Variants in DNAH1 observed in about 807,000 individuals in gnomAD.
DNAH1 encodes axonemal beta dynein heavy chain 1.
In DNAH1, 327 loss-of-function variants were observed where a neutral mutation model predicts 484.3. The observed-to-expected ratio is 0.68, with a 90% confidence interval of 0.62 to 0.74. DNAH1 has a LOEUF of 0.74. Among genes scored for constraint, DNAH1 ranks in the 30% least tolerant of loss-of-function variants. DNAH1 has a pLI of 0.00. For synonymous variants in DNAH1, 2,192 were observed against 2,191.9 expected, an observed-to-expected ratio of 1.00 and a Z score of 0.00; for missense variants, 5,052 against 5,546.8, an observed-to-expected ratio of 0.91 and a Z score of 2.83.
At chr3:52,399,262 GCT>G (rs1487094336) in intron 76 of DNAH1, 61 bp downstream of exon 76, 14 of 1,495,274 alleles carry the variant, frequency 9.4e-6, no homozygotes, top group South Asian at 2.6e-5. Context: ...GGGAGGAGAG[GCT>G]CTGAGGCCAC....
intron 8 of DNAH1, among the ~76,000 whole-genome samples, chr3:52,337,733 C>T (rs1360276150): frequency 6.6e-6 from 1 of 152,218 alleles, no homozygotes; most frequent in African/African-American, 2.4e-5. Flanking sequence ...TTTATAGTCT[C>T]CATTATCCCC....
Position 52,368,819 on chromosome 3 carries a change from T to C in DNAH1, c.5844T>C (p.Asp1948=), listed in dbSNP as rs780686231. The C allele has an allele frequency of 1.2e-6, 2 of 1,614,002 alleles. No homozygotes were observed. The highest frequency in any genetic ancestry group is 1.7e-5 in the Admixed American group (1 of 60,030). Residue 1948 remains aspartate (D), a synonymous_variant, in exon 37 of 78, where the codon GAT becomes GAC. Coordinates refer to ENST00000420323, the MANE Select transcript of DNAH1 (RefSeq NM_015512.5). The surrounding 1 kb of genome is among the most constrained non-coding windows in gnomAD (Gnocchi z 4.4). Reference sequence around the variant, plus strand: ...CCAACAAGAAGTGGTACATGTTCGATGGGCCGGTGGATGCCATCTGGATTG... The same window carrying C: ...CCAACAAGAAGTGGTACATGTTCGACGGGCCGGTGGATGCCATCTGGATTG... ...SDTNKKWYMF[D]GPVDAIWIEN...
In DNAH1 at chr3:52,358,214, C is replaced by T. The variant is rs1438925451; in HGVS notation, c.4086+211C>T. Among the ~76,000 whole-genome samples the T allele has an allele frequency of 6.6e-6, 1 of 152,266 alleles. No homozygotes were observed. The highest frequency in any genetic ancestry group is 1.5e-5 in the Non-Finnish European group (1 of 68,048). On this transcript the variant is annotated intron_variant, in intron 24 of 77. Transcript: ENST00000420323. The surrounding 1 kb of genome is among the most constrained non-coding windows in gnomAD (Gnocchi z 4.2). The stretch of plus-strand genomic sequence containing the variant: ...CCCTGGATTTCCAACTCACCAGGCG[C>T]TCCCTGTGCCCCCAGCACACTGCAA...
At chr3:52,315,455 T>TG (rs1431554126), upstream of DNAH1, among the ~76,000 whole-genome samples, 1 of 152,216 alleles carries the variant, frequency 6.6e-6, no homozygotes, top group African/African-American at 2.4e-5. Context: ...TGTGCAGACT[T>TG]GCCATGACCT....
rs1247764841 is a variant in DNAH1 at position 52,369,872 on chromosome 3, A to G, written c.5991A>G (p.Pro1997=). The G allele has an allele frequency of 6.2e-7, 1 of 1,613,274 alleles. No homozygotes were observed. Among genetic ancestry groups the G allele is most frequent in the South Asian group, 1.1e-5 (1 of 91,064 alleles). ...FEVQDLAVAS[P]ATVSRCGMVY... ...TGCAAGACCTGGCGGTGGCTTCACCAGCTACAGTCTCCCGCTGTGGCATGG... is the reference window on the plus strand; with the variant it reads ...TGCAAGACCTGGCGGTGGCTTCACCGGCTACAGTCTCCCGCTGTGGCATGG... The change falls in exon 38 of 78, where the codon CCA becomes CCG. Residue 1997 remains proline, a synonymous_variant. Transcript: ENST00000420323.
chr3:52,342,928 C>T (rs553530149), intron 8 of DNAH1, among the ~76,000 whole-genome samples: 1 of 152,114 alleles, frequency 6.6e-6, no homozygotes, highest in South Asian at 2.1e-4. Context: ...GTTCAGAGTC[C>T]GAGGCTGGAG....
At chr3:52,350,252 G>A in intron 15 of DNAH1, 144 bp downstream of exon 15, 1 of 1,268,558 alleles carries the variant, frequency 7.9e-7, no homozygotes. Flanking sequence ...GGGGTTTAGG[G>A]GGTTGTGAGC....
At chr3:52,367,496 T>C (rs1469610189) in intron 36 of DNAH1, among the ~76,000 whole-genome samples, 2 of 151,794 alleles carry the variant, frequency 1.3e-5, no homozygotes, top group Admixed American at 1.3e-4. Flanking sequence ...TCCACTCCAG[T>C]CTCTTATGTA....
In DNAH1 at chr3:52,392,630, G is replaced by A; in HGVS notation, c.10219G>A (p.Asp3407Asn). The change falls in exon 64 of 78, where the codon GAT becomes AAT. Residue 3407 changes from aspartate to asparagine, a missense_variant. Around this residue, in one of 4 missense-constraint regions of DNAH1, gnomAD observed 2,929 missense variants for 3,409.4 expected, o/e 0.86. Coordinates refer to ENST00000420323, the MANE Select transcript of DNAH1 (RefSeq NM_015512.5). ...RLSSSEGNPVDDMELIKVLEA... is the reference protein window; with the variant it reads ...RLSSSEGNPVNDMELIKVLEA... ...CAGCTCCTCCGAGGGCAACCCTGTA[G>A]ATGACATGGAACTCATCAAGGTGCT... 1 of 1,612,914 alleles carries A rather than the reference G, an allele frequency of 6.2e-7. No individual in the cohort carries two copies. Among genetic ancestry groups the A allele is most frequent in the Non-Finnish European group, 8.5e-7 (1 of 1,179,452 alleles).
intron 22 of DNAH1, 145 bp from the exon 23 acceptor site, chr3:52,357,469 C>T (rs1212001374): frequency 9.6e-7 from 1 of 1,037,956 alleles, no homozygotes; most frequent in Non-Finnish European, 1.4e-6. Context: ...TGGTTGCAGC[C>T]ACTGGCTCAG....
chr3:52,337,136 A>G (rs553366614), intron 8 of DNAH1, among the ~76,000 whole-genome samples: 1 of 152,158 alleles, frequency 6.6e-6, no homozygotes, highest in Non-Finnish European at 1.5e-5. Flanking sequence ...TCTAGAGATC[A>G]TTTACCTCCT....
In DNAH1 at chr3:52,348,915, G is replaced by A. The variant is rs777353076; in HGVS notation, c.2134G>A (p.Gly712Ser). 27 of 1,613,092 alleles carry A rather than the reference G, an allele frequency of 1.7e-5. No individual in the cohort carries two copies. Among genetic ancestry groups the A allele is most frequent in the South Asian group, 6.6e-5 (6 of 91,082 alleles). The change falls in exon 13 of 78, where the codon GGT (glycine) becomes AGT (serine). Residue 712 changes from glycine to serine, a missense_variant. Transcript: ENST00000420323. ...KLVMEDIFIS[G>S]DPLLESVGLH... ...GGTGATGGAGGACATCTTCATCAGC[G>A]GTGACCCCCTGCTGGAGTCCGTGGG...
intron 61 of DNAH1, 21 bp downstream of exon 61, chr3:52,391,075 C>G (rs762205863): frequency 1.3e-6 from 2 of 1,580,124 alleles, no homozygotes; most frequent in South Asian, 2.3e-5. Flanking sequence ...CCACCAGGCA[C>G]CACCACCCCA....
chr3:52,373,567 C>T (rs561652710), intron 44 of DNAH1: 50 of 1,483,200 alleles, frequency 3.4e-5, no homozygotes, highest in Non-Finnish European at 4.4e-5. Context: ...GTCTCTCAGC[C>T]CATAGTGAAG....
intron 1 of DNAH1, among the ~76,000 whole-genome samples, chr3:52,319,962 C>A (rs778702554): frequency 1.3e-5 from 2 of 152,196 alleles, no homozygotes; most frequent in Non-Finnish European, 2.9e-5. Context: ...ATTCCTTTTG[C>A]CCCCAGCAAC....
At position 52,366,874 on chromosome 3, in the gene DNAH1, C is replaced by T; in HGVS notation, c.5752C>T (p.Leu1918Phe). Reference sequence around the variant, plus strand: ...CCAGCTGTACGGGGAGTTTGACCTCCTCACCCATGAGTGGTGAGTGACCCC... The same window carrying T: ...CCAGCTGTACGGGGAGTTTGACCTCTTCACCCATGAGTGGTGAGTGACCCC... ...MGQLYGEFDLLTHEWTDGIFS... is the reference protein window; with the variant it reads ...MGQLYGEFDLFTHEWTDGIFS... The change falls in exon 36 of 78, where the codon CTC becomes TTC. Residue 1918 changes from leucine (L) to phenylalanine (F), a missense_variant. Physicochemically the swap from Leu to Phe is conservative, Grantham distance 22. This residue lies in a region of DNAH1 where 2,929 missense variants were observed against 3,409.4 expected (regional missense o/e 0.86). Transcript: ENST00000420323. 1 of 1,612,916 alleles carries T rather than the reference C, an allele frequency of 6.2e-7. No individual in the cohort carries two copies. Among genetic ancestry groups the T allele is most frequent in the South Asian group, 1.1e-5 (1 of 91,006 alleles).
chr3:52,392,264 A>C (rs1238604027), intron 63 of DNAH1, among the ~76,000 whole-genome samples, 200 bp from the exon 64 acceptor site: 1 of 152,240 alleles, frequency 6.6e-6, no homozygotes, highest in Non-Finnish European at 1.5e-5. Context: ...CCAAGGTCTC[A>C]CTGAGAACTG....
In DNAH1 at chr3:52,353,224, C is replaced by G. The variant is rs761839548; in HGVS notation, c.3149C>G (p.Ala1050Gly). The part of the protein sequence containing the change: ...WMNDPLSAID[A>G]EQLEKNVVEA... ...AATGACCCCCTCTCTGCCATCGATG[C>G]TGAGCAGCTGGAGAAGAACGTGGTT... Residue 1050 changes from alanine (A) to glycine (G), a missense_variant, in exon 19 of 78, where the codon GCT (alanine) becomes GGT (glycine). By Grantham distance (60) the Ala-to-Gly change is moderately conservative (BLOSUM62 0). This residue lies in a region of DNAH1 where 2,929 missense variants were observed against 3,409.4 expected (regional missense o/e 0.86). Coordinates refer to ENST00000420323, the MANE Select transcript of DNAH1 (RefSeq NM_015512.5). The surrounding 1 kb of genome is among the most constrained non-coding windows in gnomAD (Gnocchi z 5.0). 6.2e-7 allele frequency: 1 copy of G among 1,613,870 alleles called. No individual in the cohort carries two copies. Among genetic ancestry groups the G allele is most frequent in the African/African-American group, 1.3e-5 (1 of 74,930 alleles).
Position 52,331,328 on chromosome 3 carries a change from G to T in DNAH1, c.1033+19G>T, listed in dbSNP as rs753428890. 18 of 1,591,064 alleles carry T rather than the reference G, an allele frequency of 1.1e-5. No homozygotes were observed. Among genetic ancestry groups the T allele is most frequent in the Non-Finnish European group, 1.5e-5 (17 of 1,169,268 alleles). Reference sequence around the variant, plus strand: ...ACTGAAGGTATGAGGTCCTGCCGCTGCCCCAGGCAGAACCCCAGCTTGGGC... The same window carrying T: ...ACTGAAGGTATGAGGTCCTGCCGCTTCCCCAGGCAGAACCCCAGCTTGGGC... On this transcript the variant is annotated intron_variant, in intron 7 of 77. Transcript: ENST00000420323.
Sources: gnomAD v4.1 joint callset for allele counts (sites outside exome capture counted in the v4.1 genomes callset) on GRCh38, gnomAD v4.1.1 for gene constraint, gnomAD v4.1.1 regional missense constraint, Gnocchi (gnomAD v3.1) non-coding constraint, MANE v1.5 for transcripts, NCBI Gene and HGNC (gene_info 2026-07-23, HGNC 2026-07-21) for gene names.